TNS3: variants seen among roughly 807,000 people sequenced by gnomAD.
The protein encoded by TNS3 is tensin-3.
TNS3 carries 45 observed loss-of-function variants against 140.9 expected under a neutral mutation model. The observed-to-expected ratio is 0.32, with a 90% CI of 0.25 to 0.41. The LOEUF is 0.41. Among genes scored for constraint, TNS3 ranks in the 10% least tolerant of loss-of-function variants. TNS3 has a pLI of 1.00. For synonymous variants in TNS3, 815 were observed against 788.4 expected (o/e 1.03, Z -0.56); for missense variants, 1,716 against 1,906.7 (o/e 0.90, Z 1.86).
At chr7:47,340,092 C>CATACATATATATATAT (rs1788882511) in intron 20 of TNS3, among the ~76,000 whole-genome samples, 1 of 46,016 alleles carries the variant, frequency 2.2e-5, no homozygotes, top group African/African-American at 8.9e-5. Context: ...TGTGCATATA[C>CATACATATATATATAT]ATATATATAT....
intron 2 of TNS3, among the ~76,000 whole-genome samples, chr7:47,508,924 G>A (rs912466363): frequency 7.9e-5 from 12 of 152,114 alleles, no homozygotes; most frequent in African/African-American, 1.7e-4. Flanking sequence ...GTGCCACCTC[G>A]GAAGCTGGTC....
At chr7:47,526,791 C>T (rs1200742204) in intron 2 of TNS3, among the ~76,000 whole-genome samples, 1 of 152,180 alleles carries the variant, frequency 6.6e-6, no homozygotes, top group African/African-American at 2.4e-5. Flanking sequence ...TGGCACAGGA[C>T]CAGGGCTCTC....
chr7:47,340,062 T>C (rs1215235783), intron 20 of TNS3, among the ~76,000 whole-genome samples: 4 of 138,760 alleles, frequency 2.9e-5, no homozygotes, highest in South Asian at 2.3e-4. Flanking sequence ...TGTATATATA[T>C]ACATACGAAT....
Position 47,275,446 on chromosome 7 carries a change from GCA to G in TNS3, c.*2628_*2629del, listed in dbSNP as rs1784832155. Reference sequence around the variant, plus strand: ...GGACCCTGGCTATAACATGCGTTGGGCACAGTTCGTGAACTCTCCGCATTTAC... The same window carrying G: ...GGACCCTGGCTATAACATGCGTTGGGCAGTTCGTGAACTCTCCGCATTTAC... On this transcript the variant is annotated 3_prime_UTR_variant, in exon 31 of 31. Transcript: ENST00000311160. The G allele has an allele frequency of 5.4e-6, 1 of 186,600 alleles. No homozygotes were observed. The highest frequency in any genetic ancestry group is 1.1e-4 in the South Asian group (1 of 9,318). 11.6% of individuals were successfully genotyped at this position (186,600 alleles called of 1,614,324 possible).
chr7:47,550,582 C>A (rs1036394723), intron 1 of TNS3, among the ~76,000 whole-genome samples: 1 of 152,188 alleles, frequency 6.6e-6, no homozygotes, highest in African/African-American at 2.4e-5. Context: ...CACATGAGAA[C>A]AAAATCTCTA....
chr7:47,497,093 G>A (rs757602480), intron 3 of TNS3, among the ~76,000 whole-genome samples: 1 of 152,158 alleles, frequency 6.6e-6, no homozygotes, highest in East Asian at 1.9e-4. Context: ...CCACTAAATG[G>A]AATTTGTTTG....
At chr7:47,371,441 C>T (rs746260913) in intron 16 of TNS3, among the ~76,000 whole-genome samples, 2 of 152,174 alleles carry the variant, frequency 1.3e-5, no homozygotes, top group African/African-American at 2.4e-5. Context: ...GGGCCTAGAA[C>T]CCAGGTGCAC....
chr7:47,446,865 GT>G (rs58375628), intron 4 of TNS3, among the ~76,000 whole-genome samples: 2 of 147,226 alleles, frequency 1.4e-5, no homozygotes, highest in African/African-American at 5.0e-5. Context: ...GCTAATTTTT[GT>G]TTTTTTTTTG....
At chr7:47,281,396 C>T (rs758846401) in intron 28 of TNS3, among the ~76,000 whole-genome samples, 1 of 152,228 alleles carries the variant, frequency 6.6e-6, no homozygotes, top group Non-Finnish European at 1.5e-5. Context: ...CTGGGCCAGT[C>T]TAGCTGGCTT....
intron 1 of TNS3, among the ~76,000 whole-genome samples, chr7:47,580,314 G>A (rs1784496761): frequency 6.6e-6 from 1 of 152,216 alleles, no homozygotes; most frequent in South Asian, 2.1e-4. Context: ...TCTGTAAAAT[G>A]GGGTAATCAT....
At chr7:47,518,985 T>C (rs935482702) in intron 2 of TNS3, among the ~76,000 whole-genome samples, 1 of 152,052 alleles carries the variant, frequency 6.6e-6, no homozygotes, top group East Asian at 1.9e-4. Context: ...CTAATGTTGA[T>C]GAAGCACTCA....
At chr7:47,311,798 G>C (rs1787120948) in intron 20 of TNS3, among the ~76,000 whole-genome samples, 1 of 152,010 alleles carries the variant, frequency 6.6e-6, no homozygotes, top group Non-Finnish European at 1.5e-5. Flanking sequence ...AAGAAATCAA[G>C]CCACAAGTTA....
intron 8 of TNS3, among the ~76,000 whole-genome samples, chr7:47,433,224 GGCGGATTTC>G (rs1349979757): frequency 1.3e-5 from 2 of 152,230 alleles, no homozygotes; most frequent in African/African-American, 4.8e-5. Context: ...CTGCAAAGCA[GGCGGATTTC>G]GCCAAATGTC....
intron 1 of TNS3, among the ~76,000 whole-genome samples, chr7:47,541,794 A>G (rs1799796192): frequency 1.3e-5 from 2 of 151,996 alleles, no homozygotes; most frequent in South Asian, 4.2e-4. Context: ...TAAAAATACA[A>G]AAAAATTAGC....
intron 1 of TNS3, among the ~76,000 whole-genome samples, chr7:47,557,911 G>C (rs1257864924): frequency 6.6e-6 from 1 of 152,236 alleles, no homozygotes; most frequent in Non-Finnish European, 1.5e-5. Context: ...CTCCAAACTG[G>C]AAGGATGGCC....
At chr7:47,445,390 G>A (rs1795678460) in intron 4 of TNS3, among the ~76,000 whole-genome samples, 1 of 152,168 alleles carries the variant, frequency 6.6e-6, no homozygotes, top group Non-Finnish European at 1.5e-5. Context: ...GAGGAAATGA[G>A]GATTTGGTGG....
At chr7:47,328,149 G>A (rs773315424) in intron 20 of TNS3, among the ~76,000 whole-genome samples, 6 of 151,944 alleles carry the variant, frequency 3.9e-5, no homozygotes, top group East Asian at 3.9e-4. Flanking sequence ...TCTGTGTTCC[G>A]GCCTGTCCCG....
At chr7:47,404,049 T>G (rs1793306490) in intron 13 of TNS3, among the ~76,000 whole-genome samples, 1 of 152,258 alleles carries the variant, frequency 6.6e-6, no homozygotes. Context: ...GTTTCTAGAA[T>G]ATGTTGATCC....
At chr7:47,406,531 A>G (rs1793458778) in intron 13 of TNS3, among the ~76,000 whole-genome samples, 1 of 152,178 alleles carries the variant, frequency 6.6e-6, no homozygotes, top group Non-Finnish European at 1.5e-5. Context: ...CGGAGGGGAA[A>G]ACTCAAAGAG....
Sources: gnomAD v4.1 joint callset for allele counts (sites outside exome capture counted in the v4.1 genomes callset) on GRCh38, gnomAD v4.1.1 for gene constraint, MANE v1.5 for transcripts, NCBI Gene and HGNC (gene_info 2026-07-23, HGNC 2026-07-21) for gene names.